The following CHST12 variants were observed in gnomAD, a reference collection of about 807,000 sequenced individuals.
CHST12 encodes carbohydrate sulfotransferase 12.
Under a neutral mutation model 27.9 loss-of-function variants are expected in CHST12, and 23 were observed. That is an observed-to-expected ratio of 0.82 (90% CI 0.59 to 1.17). The LOEUF (loss-of-function observed/expected upper bound fraction) is 1.17, where lower values mean the gene tolerates loss of function less well. Among genes scored for constraint, CHST12 ranks in the 50% most tolerant of loss-of-function variants. CHST12 has a pLI of 0.00. For missense variants in CHST12, 682 were observed against 603.0 expected, an observed-to-expected ratio of 1.13 and a Z score of -1.37; for synonymous variants, 322 against 273.0, an observed-to-expected ratio of 1.18 and a Z score of -1.77.
At chr7:2,410,743 T>C (rs1312269791) in intron 1 of CHST12, among the ~76,000 whole-genome samples, 3 of 151,786 alleles carry the variant, frequency 2.0e-5, no homozygotes. Flanking sequence ...CTGGGTGCGG[T>C]GGATGAACGG....
intron 1 of CHST12, among the ~76,000 whole-genome samples, chr7:2,412,048 T>C (rs903020330): frequency 3.9e-5 from 6 of 152,198 alleles, no homozygotes; most frequent in Non-Finnish European, 8.8e-5. Context: ...GCCTCTGTGC[T>C]CTAGGACCGG....
intron 1 of CHST12, among the ~76,000 whole-genome samples, chr7:2,423,404 G>A (rs747149167): frequency 2.0e-5 from 3 of 152,204 alleles, no homozygotes; most frequent in African/African-American, 7.2e-5. Context: ...GGGAGGGCAG[G>A]TGAGGAATGC....
chr7:2,404,505 G>T (rs988953756), intron 1 of CHST12, among the ~76,000 whole-genome samples: 1 of 152,230 alleles, frequency 6.6e-6, no homozygotes, highest in Non-Finnish European at 1.5e-5. Flanking sequence ...GGTGCTGGAC[G>T]CAGTACATCT....
rs1033573281 is a variant in CHST12 at position 2,438,545 on chromosome 7, G to C, written c.*4661G>C. 1 of 152,146 alleles carries C rather than the reference G, an allele frequency of 6.6e-6. No individual in the cohort carries two copies. Among genetic ancestry groups the C allele is most frequent in the Non-Finnish European group, 1.5e-5 (1 of 68,046 alleles). The allele number at this position is 152,146 out of a possible 1,614,324, so 9.4% of individuals were successfully genotyped here. ...GGCGCTCCCATGCCCATTATCCAGG[G>C]GTAATTTTTGCTCACTTATTTATAA... On this transcript the variant is annotated 3_prime_UTR_variant, in exon 2 of 2. Coordinates refer to ENST00000618655, the MANE Select transcript of CHST12 (RefSeq NM_018641.5).
At chr7:2,430,408 T>C (rs1442657171) in intron 1 of CHST12, among the ~76,000 whole-genome samples, 1 of 152,130 alleles carries the variant, frequency 6.6e-6, no homozygotes, top group Non-Finnish European at 1.5e-5. Flanking sequence ...CTCTGCCTCC[T>C]GGGTTCAAGC....
intron 1 of CHST12, among the ~76,000 whole-genome samples, chr7:2,423,449 T>C (rs1782028606): frequency 6.6e-6 from 1 of 151,990 alleles, no homozygotes; most frequent in African/African-American, 2.4e-5. Flanking sequence ...GCGGGGGCCG[T>C]GGAGAGACAG....
chr7:2,416,701 AG>A (rs1781817800), intron 1 of CHST12, among the ~76,000 whole-genome samples: 1 of 152,170 alleles, frequency 6.6e-6, no homozygotes, highest in South Asian at 2.1e-4. Flanking sequence ...TTTTCTAAAG[AG>A]GGTTTTGGAA....
At chr7:2,420,524 T>C (rs981759532) in intron 1 of CHST12, among the ~76,000 whole-genome samples, 3 of 152,116 alleles carry the variant, frequency 2.0e-5, no homozygotes, top group Non-Finnish European at 2.9e-5. Context: ...GACCCTGCTC[T>C]AAGTTGAGTG....
At position 2,418,151 on chromosome 7, in the gene CHST12, G is replaced by A. The variant is rs148802666; in HGVS notation, c.-77-14412G>A. Among the ~76,000 whole-genome samples, 49 of 152,344 alleles carry A rather than the reference G, an allele frequency of 3.2e-4. No homozygotes were observed. The East Asian group carries it at 8.9e-3, about 28-fold the overall frequency. On this transcript the variant is annotated intron_variant, in intron 1 of 1. Transcript: ENST00000618655. ...GACCAGTGGCCTTGCGTGGGCAGCC[G>A]GCATGGACTTGCTCCCTGGGGCTGC...
At chr7:2,420,400 CCA>C (rs1781939078) in intron 1 of CHST12, among the ~76,000 whole-genome samples, 1 of 152,176 alleles carries the variant, frequency 6.6e-6, no homozygotes, top group Non-Finnish European at 1.5e-5. Context: ...CATGGGTTGA[CCA>C]CAGTTTGCTT....
In CHST12 at chr7:2,444,773, C is replaced by T. The variant is rs1310943129; in HGVS notation, c.*10889C>T. 1.3e-5 allele frequency: 2 copies of T among 152,242 alleles called. No individual in the cohort carries two copies. Among genetic ancestry groups the T allele is most frequent in the African/African-American group, 4.8e-5 (2 of 41,456 alleles). 9.4% of individuals were successfully genotyped at this position (152,242 alleles called of 1,614,324 possible). A position where few individuals can be genotyped will look rare whatever the true frequency, so the allele number is the denominator to read the frequency against. On this transcript the variant is annotated 3_prime_UTR_variant, in exon 2 of 2. Coordinates refer to ENST00000618655, the MANE Select transcript of CHST12 (RefSeq NM_018641.5). ...TACAAGGCAAAAATCCCCTACTCCC[C>T]CTGGGCTCCTTCACAGTTTGTGTGT...
At chr7:2,418,917 C>T (rs1781885100) in intron 1 of CHST12, among the ~76,000 whole-genome samples, 1 of 152,200 alleles carries the variant, frequency 6.6e-6, no homozygotes, top group Non-Finnish European at 1.5e-5. Context: ...CCACTTCAGC[C>T]TCCAGAGTAA....
intron 1 of CHST12, among the ~76,000 whole-genome samples, chr7:2,414,367 T>G (rs1781749953): frequency 1.3e-5 from 2 of 152,134 alleles, no homozygotes; most frequent in African/African-American, 4.8e-5. Context: ...CACTGCAACC[T>G]CCACCTCTTG....
At position 2,432,881 on chromosome 7, in the gene CHST12, GC is replaced by G; in HGVS notation, c.243del (p.Ser81ArgfsTer21). On this transcript the variant is annotated frameshift_variant, in exon 2 of 2. Transcript: ENST00000618655. LOFTEE classifies it high-confidence loss of function. The part of the protein sequence containing the change: ...DKFLSAGVKQ[S>X]DLPRKETEQP... ...TTTCTCAGTGCTGGCGTGAAGCAGA[GC>G]GACCTTCCCAGAAAGGAGACGGAGC... 6.2e-7 allele frequency: 1 copy of G among 1,613,648 alleles called. No individual in the cohort carries two copies. The highest frequency in any genetic ancestry group is 8.5e-7 in the Non-Finnish European group (1 of 1,179,898).
At chr7:2,413,575 T>C (rs1361667656) in intron 1 of CHST12, among the ~76,000 whole-genome samples, 1 of 152,098 alleles carries the variant, frequency 6.6e-6, no homozygotes, top group African/African-American at 2.4e-5. Flanking sequence ...CTCTTTTAAA[T>C]GTCATATAAA....
chr7:2,423,849 T>A (rs1183830716), intron 1 of CHST12, among the ~76,000 whole-genome samples: 1 of 152,158 alleles, frequency 6.6e-6, no homozygotes, highest in Non-Finnish European at 1.5e-5. Flanking sequence ...GGTAAATCAT[T>A]TGAGCCCAGG....
chr7:2,421,008 G>A (rs976769070), intron 1 of CHST12, among the ~76,000 whole-genome samples: 4 of 151,902 alleles, frequency 2.6e-5, no homozygotes, highest in Non-Finnish European at 2.9e-5. Flanking sequence ...GATTACAGGC[G>A]TGAGTCACTG....
At position 2,435,041 on chromosome 7, in the gene CHST12, C is replaced by T. The variant is rs1488301733; in HGVS notation, c.*1157C>T. ...GATCAGTTTGGACCACATAGCGAGA[C>T]CCTGTGTCTACAAAAAATAAGAAAA... On this transcript the variant is annotated 3_prime_UTR_variant, in exon 2 of 2. Coordinates refer to ENST00000618655, the MANE Select transcript of CHST12 (RefSeq NM_018641.5). 1 of 151,890 alleles carries T rather than the reference C, an allele frequency of 6.6e-6. No homozygotes were observed. Among genetic ancestry groups the T allele is most frequent in the African/African-American group, 2.4e-5 (1 of 41,290 alleles). 9.4% of individuals were successfully genotyped at this position (151,890 alleles called of 1,614,324 possible).
chr7:2,404,624 T>G (rs1226686975), intron 1 of CHST12, among the ~76,000 whole-genome samples: 1 of 152,180 alleles, frequency 6.6e-6, no homozygotes, highest in African/African-American at 2.4e-5. Context: ...CCCCTCACCG[T>G]GAGCATCTGG....
Sources: allele counts gnomAD v4.1 joint callset (sites outside exome capture counted in the v4.1 genomes callset), GRCh38; gene constraint gnomAD v4.1.1; transcripts MANE v1.5; gene names NCBI Gene and HGNC (gene_info 2026-07-23, HGNC 2026-07-21).